Variants in CMSS1 observed in about 807,000 individuals in gnomAD.
CMSS1 encodes the protein cms1 ribosomal small subunit homolog, also known as protein CMSS1.
CMSS1 carries 33 observed loss-of-function variants against 43.5 expected under a neutral mutation model. The observed-to-expected ratio is 0.76, with a 90% confidence interval of 0.57 to 1.01. The LOEUF is 1.01. CMSS1 is among the 50% of genes least tolerant of loss of function. CMSS1 has a pLI of 0.00. For synonymous variants in CMSS1, 115 were observed against 117.2 expected, an observed-to-expected ratio of 0.98 and a Z score of 0.12; for missense variants, 313 against 326.4, an observed-to-expected ratio of 0.96 and a Z score of 0.32.
intron 1 of CMSS1, among the ~76,000 whole-genome samples, chr3:99,861,921 T>C (rs1019302951): frequency 3.3e-5 from 5 of 152,150 alleles, no homozygotes; most frequent in Non-Finnish European, 7.4e-5. Context: ...TCTTCATCTG[T>C]AGAATGGGGA....
At chr3:100,067,746 A>G (rs898115630) in intron 1 of CMSS1, among the ~76,000 whole-genome samples, 1 of 152,132 alleles carries the variant, frequency 6.6e-6, no homozygotes, top group Non-Finnish European at 1.5e-5. Flanking sequence ...CTAAATATAT[A>G]CCACACTACT....
intron 1 of CMSS1, among the ~76,000 whole-genome samples, chr3:99,981,626 C>T (rs1709127807): frequency 6.6e-6 from 1 of 152,112 alleles, no homozygotes. Context: ...CCCCGTTTTG[C>T]AAGTGGAAAA....
At chr3:99,887,371 A>T (rs549523233) in intron 1 of CMSS1, among the ~76,000 whole-genome samples, 26 of 152,260 alleles carry the variant, frequency 1.7e-4, no homozygotes, top group Admixed American at 5.2e-4. Context: ...CAGGAAGGAG[A>T]ATGGTGGAAC....
At chr3:100,094,923 C>T (rs1474096801) in intron 1 of CMSS1, among the ~76,000 whole-genome samples, 1 of 151,872 alleles carries the variant, frequency 6.6e-6, no homozygotes, top group Non-Finnish European at 1.5e-5. Flanking sequence ...CTCCTGACCT[C>T]GTGATCCACC....
intron 1 of CMSS1, among the ~76,000 whole-genome samples, chr3:99,981,805 A>G (rs1258068345): frequency 6.6e-6 from 1 of 152,210 alleles, no homozygotes; most frequent in Non-Finnish European, 1.5e-5. Flanking sequence ...ACACATGCAC[A>G]TGCATAAATA....
chr3:100,014,898 T>TTTTTC (rs1710290870), intron 1 of CMSS1, among the ~76,000 whole-genome samples: 2 of 110,398 alleles, frequency 1.8e-5, no homozygotes, highest in Non-Finnish European at 3.9e-5. Context: ...TTTCTTTCTT[T>TTTTTC]TTTTTTTTTT....
intron 1 of CMSS1, among the ~76,000 whole-genome samples, chr3:100,130,544 C>A (rs1476977753): frequency 6.6e-6 from 1 of 152,186 alleles, no homozygotes; most frequent in Non-Finnish European, 1.5e-5. Flanking sequence ...AGGGGGACCA[C>A]AGCCCAGTAG....
At chr3:100,125,981 A>C (rs1276581721) in intron 1 of CMSS1, among the ~76,000 whole-genome samples, 1 of 152,228 alleles carries the variant, frequency 6.6e-6, no homozygotes, top group African/African-American at 2.4e-5. Flanking sequence ...GGGTCATGTT[A>C]ATATTTGCCA....
intron 1 of CMSS1, among the ~76,000 whole-genome samples, chr3:99,956,578 C>T (rs1338356322): frequency 6.6e-6 from 1 of 152,152 alleles, no homozygotes. Context: ...AATTCCTGAC[C>T]TCAGATGATC....
chr3:99,913,866 A>C (rs928361208), intron 1 of CMSS1, among the ~76,000 whole-genome samples: 5 of 152,236 alleles, frequency 3.3e-5, no homozygotes, highest in Admixed American at 2.6e-4. Context: ...GTTTCTTCTG[A>C]AACATCTTCT....
chr3:99,843,601 G>C (rs1385563466), intron 1 of CMSS1, among the ~76,000 whole-genome samples: 1 of 152,160 alleles, frequency 6.6e-6, no homozygotes, highest in Non-Finnish European at 1.5e-5. Flanking sequence ...TTGAAAATAT[G>C]TTTAATACAC....
intron 1 of CMSS1, among the ~76,000 whole-genome samples, chr3:99,929,405 C>T (rs926982681): frequency 3.3e-5 from 5 of 152,186 alleles, no homozygotes; most frequent in African/African-American, 9.7e-5. Flanking sequence ...TATTTCCATT[C>T]ATGTTCAAAA....
chr3:99,873,792 G>T (rs1366413590), intron 1 of CMSS1, among the ~76,000 whole-genome samples: 2 of 152,130 alleles, frequency 1.3e-5, no homozygotes, highest in South Asian at 2.1e-4. Flanking sequence ...TTTCATACTG[G>T]CTGTTACTAT....
At chr3:99,921,532 G>T (rs1299684500) in intron 1 of CMSS1, among the ~76,000 whole-genome samples, 1 of 152,162 alleles carries the variant, frequency 6.6e-6, no homozygotes, top group Non-Finnish European at 1.5e-5. Flanking sequence ...TTGAGAATAG[G>T]TTTAATATTG....
chr3:100,061,991 CTT>C (rs1331523261), intron 1 of CMSS1, among the ~76,000 whole-genome samples: 1 of 149,832 alleles, frequency 6.7e-6, no homozygotes, highest in Non-Finnish European at 1.5e-5. Context: ...TCTCCACAAA[CTT>C]TTTCATCTTC....
At chr3:100,078,833 G>A (rs1379039825) in intron 1 of CMSS1, among the ~76,000 whole-genome samples, 1 of 152,170 alleles carries the variant, frequency 6.6e-6, no homozygotes, top group Non-Finnish European at 1.5e-5. Context: ...GGAGGCTGCA[G>A]TGAGCCAAGA....
intron 1 of CMSS1, among the ~76,000 whole-genome samples, chr3:99,903,059 T>C (rs1706489112): frequency 1.3e-5 from 2 of 152,150 alleles, no homozygotes; most frequent in South Asian, 4.1e-4. Context: ...TGCCCATTTA[T>C]ACTTTTGTGT....
At chr3:100,056,787 G>A (rs749989546) in intron 1 of CMSS1, among the ~76,000 whole-genome samples, 5 of 151,040 alleles carry the variant, frequency 3.3e-5, no homozygotes, top group African/African-American at 4.9e-5. Context: ...GGCGGATCAC[G>A]AGGTCAGGAG....
intron 1 of CMSS1, among the ~76,000 whole-genome samples, chr3:99,885,621 CCT>C (rs1256416304): frequency 2.0e-5 from 3 of 152,222 alleles, no homozygotes; most frequent in Non-Finnish European, 2.9e-5. Context: ...GCTCACTTGA[CCT>C]CTGAAAGGTG....
Sources: gnomAD v4.1 joint callset for allele counts (sites outside exome capture counted in the v4.1 genomes callset) on GRCh38, gnomAD v4.1.1 for gene constraint, MANE v1.5 for transcripts, NCBI Gene and HGNC (gene_info 2026-07-23, HGNC 2026-07-21) for gene names.